The following ARSG variants were observed in gnomAD, a reference collection of about 807,000 sequenced individuals.
The protein encoded by ARSG is arylsulfatase G.
A neutral mutation model predicts 50.5 loss-of-function variants in ARSG; 37 were observed. The observed-to-expected ratio is 0.73, with a 90% CI of 0.56 to 0.96. ARSG has a LOEUF of 0.96. Ranked by LOEUF, ARSG falls within the 50% of genes least tolerant of loss-of-function variation. The pLI is 0.00. For synonymous variants in ARSG, 225 were observed against 254.6 expected (o/e 0.88, Z 1.11); for missense variants, 629 against 675.3 (o/e 0.93, Z 0.76).
At chr17:68,405,943 G>A (rs2147281878) in intron 11 of ARSG, among the ~76,000 whole-genome samples, 1 of 152,170 alleles carries the variant, frequency 6.6e-6, no homozygotes, top group South Asian at 2.1e-4. Context: ...TTGGTTACAT[G>A]AGTAAGTTCT....
intron 1 of ARSG, among the ~76,000 whole-genome samples, chr17:68,264,783 G>A (rs1401325993): frequency 6.6e-6 from 1 of 152,048 alleles, no homozygotes; most frequent in Admixed American, 6.6e-5. Flanking sequence ...GGTAGAGAAA[G>A]TCTACATAAG....
At chr17:68,272,513 G>A (rs1319021405) in intron 1 of ARSG, 37 of 1,119,990 alleles carry the variant, frequency 3.3e-5, no homozygotes, top group Non-Finnish European at 4.1e-5. Flanking sequence ...GAGAAGAGAC[G>A]TAAATAACGT....
At chr17:68,313,076 G>A (rs367880553) in intron 2 of ARSG, among the ~76,000 whole-genome samples, 13 of 152,036 alleles carry the variant, frequency 8.6e-5, no homozygotes, top group African/African-American at 2.2e-4. Context: ...CCTGGCTAAC[G>A]TGGTGAAACG....
upstream of ARSG, among the ~76,000 whole-genome samples, chr17:68,288,391 T>G (rs1555754871): frequency 6.6e-6 from 1 of 152,182 alleles, no homozygotes; most frequent in East Asian, 1.9e-4. Flanking sequence ...TTGAACTCAT[T>G]TATGCAGAAG....
At chr17:68,311,846 G>C (rs1486037185) in intron 2 of ARSG, among the ~76,000 whole-genome samples, 1 of 149,506 alleles carries the variant, frequency 6.7e-6, no homozygotes. Flanking sequence ...TGTCGCCCAG[G>C]TTGGAGTGCA....
At position 68,381,388 on chromosome 17, in the gene ARSG, G is replaced by GA. The variant is rs1417643361; in HGVS notation, c.983-3673dup. On this transcript the variant is annotated intron_variant, in intron 8 of 11. Transcript: ENST00000621439. The surrounding 1 kb of genome is among the most constrained non-coding windows in gnomAD (Gnocchi z 4.1). ...AGTCACAAGTAACCACAAGTGCGTA[G>GA]AAATGCATTCTCATGGCCATAAGAC... is the stretch of plus-strand genomic sequence containing the variant. 2.6e-5 allele frequency among the ~76,000 whole-genome samples: 4 copies of GA among 152,212 alleles called. No homozygotes were observed. The highest frequency in any genetic ancestry group is 5.9e-5 in the Non-Finnish European group (4 of 68,038).
intron 1 of ARSG, among the ~76,000 whole-genome samples, chr17:68,282,367 G>T (rs1555753087): frequency 1.3e-5 from 2 of 152,084 alleles, no homozygotes; most frequent in Non-Finnish European, 1.5e-5. Context: ...TTGGGGGAAG[G>T]GGGAGGGATA....
the ARSG span, chr17:68,436,516 C>T: frequency 4.4e-6 from 7 of 1,594,916 alleles, no homozygotes; most frequent in East Asian, 1.1e-4. Context: ...AAGCCTGGGG[C>T]CAAGGGAGAG....
chr17:68,396,773 T>G, intron 10 of ARSG, among the ~76,000 whole-genome samples: 1 of 152,088 alleles, frequency 6.6e-6, no homozygotes, highest in African/African-American at 2.4e-5. Context: ...TTTTTAGGGG[T>G]TGTTGGATGA....
chr17:68,451,232 A>G, the ARSG span, among the ~76,000 whole-genome samples: 4 of 152,350 alleles, frequency 2.6e-5, no homozygotes, highest in South Asian at 2.1e-4. Context: ...GGAGTTCAAG[A>G]CCAGCCTGGC....
In ARSG at chr17:68,378,449, T is replaced by C. The variant is rs967502728; in HGVS notation, c.983-6615T>C. Among the ~76,000 whole-genome samples the C allele has an allele frequency of 6.6e-6, 1 of 152,192 alleles. No homozygotes were observed. The highest frequency in any genetic ancestry group is 2.4e-5 in the African/African-American group (1 of 41,456). On this transcript the variant is annotated intron_variant, in intron 8 of 11. Coordinates refer to ENST00000621439, the MANE Select transcript of ARSG (RefSeq NM_001267727.2). This position sits in a 1 kb window ranked among gnomAD's most constrained non-coding sequence, Gnocchi z 4.4. ...GATGAGGCAGCGTCTCCTGGAGTCA[T>C]CTTTTCACCCCGTGCGTGTGGACTG...
downstream of ARSG, among the ~76,000 whole-genome samples, chr17:68,426,804 G>C (rs953405014): frequency 1.3e-5 from 2 of 152,170 alleles, no homozygotes; most frequent in African/African-American, 4.8e-5. Context: ...CAAAGTGCTG[G>C]GATTACAGGT....
At chr17:68,262,191 G>C (rs577397389) in intron 1 of ARSG, among the ~76,000 whole-genome samples, 1 of 151,188 alleles carries the variant, frequency 6.6e-6, no homozygotes, top group Non-Finnish European at 1.5e-5. Flanking sequence ...AAAAGAAAGG[G>C]CCGGGCGTAG....
intron 2 of ARSG, among the ~76,000 whole-genome samples, chr17:68,321,791 C>T (rs1427516567): frequency 6.6e-6 from 1 of 152,144 alleles, no homozygotes; most frequent in Non-Finnish European, 1.5e-5. Context: ...ATGTCTGGCT[C>T]TGTATTTCCA....
intron 2 of ARSG, 28 bp downstream of exon 2, chr17:68,307,739 T>C (rs535008182): frequency 1.6e-6 from 2 of 1,239,480 alleles, no homozygotes; most frequent in East Asian, 4.6e-5. Flanking sequence ...AGGCCAGCCT[T>C]TCTTTGGATG....
At position 68,338,184 on chromosome 17, in the gene ARSG, A is replaced by ATG. The variant is rs148359932; in HGVS notation, c.219-5405_219-5404dup. On this transcript the variant is annotated intron_variant, in intron 2 of 11. Transcript: ENST00000621439. ...CGTTCACATTGAGCTGTATTTGAAG[A>ATG]TGTGTGTGTGTGTGTGCATGCATGT... Among the ~76,000 whole-genome samples, 123 of 150,888 alleles carry ATG rather than the reference A, an allele frequency of 8.2e-4. No individual in the cohort carries two copies. The South Asian group carries it at 0.012, about 15-fold the overall frequency.
intron 2 of ARSG, among the ~76,000 whole-genome samples, chr17:68,309,575 A>G (rs544136486): frequency 7.9e-5 from 12 of 152,350 alleles, no homozygotes; most frequent in Middle Eastern, 3.4e-3. Context: ...TTAAAAAATA[A>G]GTAAATAGGC....
At chr17:68,375,078 A>G (rs1013796130) in intron 8 of ARSG, among the ~76,000 whole-genome samples, 6 of 152,084 alleles carry the variant, frequency 3.9e-5, no homozygotes, top group African/African-American at 1.4e-4. Context: ...AATAGTCTAG[A>G]ATAGTGTTTC....
chr17:68,331,221 C>CTTTCTTTG (rs1568477716), intron 2 of ARSG, among the ~76,000 whole-genome samples: 2 of 35,254 alleles, frequency 5.7e-5, no homozygotes, highest in African/African-American at 2.7e-4. Flanking sequence ...TTCTTTCTTT[C>CTTTCTTTG]TTTCTTTCTT....
Sources: gnomAD v4.1 joint callset for allele counts (sites outside exome capture counted in the v4.1 genomes callset) on GRCh38, gnomAD v4.1.1 for gene constraint, Gnocchi (gnomAD v3.1) non-coding constraint, MANE v1.5 for transcripts, NCBI Gene and HGNC (gene_info 2026-07-23, HGNC 2026-07-21) for gene names.